STAT1: variants seen among roughly 807,000 people sequenced by gnomAD.
STAT1 encodes the protein signal transducer and activator of transcription 1.
A neutral mutation model predicts 111.7 loss-of-function variants in STAT1; 24 were observed. The observed-to-expected ratio is 0.21, with a 90% CI of 0.16 to 0.30. The LOEUF (loss-of-function observed/expected upper bound fraction) is 0.30, where lower values mean the gene tolerates loss of function less well. STAT1 is among the 10% of genes least tolerant of loss of function. The pLI is 1.00. For missense variants in STAT1, 351 were observed against 911.9 expected, an observed-to-expected ratio of 0.38 and a Z score of 7.92; for synonymous variants, 332 against 326.5, an observed-to-expected ratio of 1.02 and a Z score of -0.18.
chr2:190,981,049 T>C lies in STAT1; in HGVS notation c.1583-380A>G, dbSNP rs1434931215. The stretch of plus-strand genomic sequence containing the variant: ...CCTCCCTCCTCTAAAGAGAGGACAG[T>C]CCTTTTAATGCCTCTTCATGTTACA... On this transcript the variant is annotated intron_variant, in intron 18 of 24. Coordinates refer to ENST00000361099, the MANE Select transcript of STAT1 (RefSeq NM_007315.4). The surrounding 1 kb of genome is among the most constrained non-coding windows in gnomAD (Gnocchi z 4.1). Among the ~76,000 whole-genome samples, 1 of 108,618 alleles carries C rather than the reference T, an allele frequency of 9.2e-6. No homozygotes were observed. Among genetic ancestry groups the C allele is most frequent in the African/African-American group, 4.5e-5 (1 of 21,990 alleles). The allele number at this position is 108,618 out of a possible 152,430, so 71.3% of individuals were successfully genotyped here. A position where few individuals can be genotyped will look rare whatever the true frequency, so the allele number is the denominator to read the frequency against.
intron 12 of STAT1, among the ~76,000 whole-genome samples, chr2:190,988,430 G>A (rs1256951803): frequency 2.0e-5 from 3 of 152,218 alleles, no homozygotes; most frequent in Admixed American, 6.5e-5. Flanking sequence ...CCAGGCTGGA[G>A]TGCAGTGGCA....
chr2:190,994,558 C>T (rs928018134), intron 10 of STAT1, among the ~76,000 whole-genome samples: 6 of 152,042 alleles, frequency 3.9e-5, no homozygotes, highest in Admixed American at 2.0e-4. Flanking sequence ...CTATAGCTTC[C>T]AGCCTAGCTG....
Position 190,993,040 on chromosome 2 carries a change from T to C in STAT1, c.945-1720A>G, listed in dbSNP as rs1693506631. The C allele has an allele frequency of 2.2e-5, 7 of 311,198 alleles. No individual in the cohort carries two copies. Among genetic ancestry groups the C allele is most frequent in the South Asian group, 1.8e-4 (6 of 33,316 alleles). 19.3% of individuals were successfully genotyped at this position (311,198 alleles called of 1,614,324 possible). ...CCTGACCTCAGGTGATCCACCCACCTCGGCCTCCCAAAGTGCTGGGATTAC... is the reference window on the plus strand; with the variant it reads ...CCTGACCTCAGGTGATCCACCCACCCCGGCCTCCCAAAGTGCTGGGATTAC... On this transcript the variant is annotated intron_variant, in intron 10 of 24. Coordinates refer to ENST00000361099, the MANE Select transcript of STAT1 (RefSeq NM_007315.4). The surrounding 1 kb of genome is among the most constrained non-coding windows in gnomAD (Gnocchi z 4.1).
At chr2:191,011,217 G>A (rs1191562169) in intron 2 of STAT1, among the ~76,000 whole-genome samples, 1 of 152,136 alleles carries the variant, frequency 6.6e-6, no homozygotes, top group Non-Finnish European at 1.5e-5. Context: ...CAGCCCCTTG[G>A]CACTCCTGCT....
At chr2:191,005,185 A>G (rs11693463) in intron 5 of STAT1, among the ~76,000 whole-genome samples, 23,142 of 152,146 alleles carry the variant, frequency 0.15, 2,551 homozygotes, top group African/African-American at 0.3. Context: ...TTGAATCCCC[A>G]TGTACCTATC....
intron 2 of STAT1, among the ~76,000 whole-genome samples, chr2:191,010,701 A>C (rs1695054195): frequency 6.6e-6 from 1 of 152,208 alleles, no homozygotes. Flanking sequence ...TACACATTTA[A>C]AAAGATATAT....
At position 190,998,298 on chromosome 2, in the gene STAT1, G is replaced by A. The variant is rs1694000512; in HGVS notation, c.552C>T (p.Thr184=). The A allele has an allele frequency of 1.9e-6, 3 of 1,612,910 alleles. No individual in the cohort carries two copies. Among genetic ancestry groups the A allele is most frequent in the Non-Finnish European group, 2.5e-6 (3 of 1,179,476 alleles). Residue 184 remains threonine, a synonymous_variant, in exon 8 of 25, where the codon ACC becomes ACT. Transcript: ENST00000361099. This position sits in a 1 kb window ranked among gnomAD's most constrained non-coding sequence, Gnocchi z 4.1. ...CKTLQNREHE[T]NGVAKSDQKQ... The stretch of plus-strand genomic sequence containing the variant: ...TCTGATCACTCTTTGCCACACCATT[G>A]GTCTCGTGTTCTATAAATTGAGAGA...
chr2:191,009,802 T>C (rs1694989376), intron 3 of STAT1, 74 bp downstream of exon 3: 5 of 1,579,468 alleles, frequency 3.2e-6, no homozygotes, highest in Non-Finnish European at 4.3e-6. Flanking sequence ...CCAGTAAACA[T>C]GGCCCCAAGT....
chr2:190,985,854 G>C (rs1574647597), intron 14 of STAT1, among the ~76,000 whole-genome samples, 194 bp from the exon 15 acceptor site: 1 of 152,330 alleles, frequency 6.6e-6, no homozygotes, highest in South Asian at 2.1e-4. Flanking sequence ...TGGCCTCATG[G>C]TGCGGACACC....
At position 190,997,887 on chromosome 2, in the gene STAT1, G is replaced by A; in HGVS notation, c.754C>T (p.Pro252Ser). ...TGCAGCTGATCCAAGCAAGCATTGG[G>A]CGGCCCCCCAATACAGGCGCTCTGC... ...RQQSACIGGPPNACLDQLQNW... is the reference protein window; with the variant it reads ...RQQSACIGGPSNACLDQLQNW... The change falls in exon 9 of 25, where the codon CCC becomes TCC. Residue 252 changes from proline to serine, a missense_variant. Transcript: ENST00000361099. The surrounding 1 kb of genome is among the most constrained non-coding windows in gnomAD (Gnocchi z 7.3). 6.2e-7 allele frequency: 1 copy of A among 1,614,190 alleles called. No homozygotes were observed. The highest frequency in any genetic ancestry group is 8.5e-7 in the Non-Finnish European group (1 of 1,180,036).
intron 5 of STAT1, among the ~76,000 whole-genome samples, chr2:191,005,251 C>T (rs114281577): frequency 0.014 from 2,103 of 152,272 alleles, 52 homozygotes; most frequent in African/African-American, 0.047. Flanking sequence ...ATTCTCCTTA[C>T]TCTTCTAGTC....
chr2:191,008,853 A>T, intron 4 of STAT1, 110 bp downstream of exon 4: 1 of 1,170,802 alleles, frequency 8.5e-7, no homozygotes, highest in Non-Finnish European at 1.2e-6. Context: ...AGTCTCTATT[A>T]CTTCTCTAAA....
In STAT1 at chr2:190,999,469, A is replaced by G. The variant is rs1055149889; in HGVS notation, c.541+157T>C. 6.6e-6 allele frequency among the ~76,000 whole-genome samples: 1 copy of G among 152,116 alleles called. No homozygotes were observed. Among genetic ancestry groups the G allele is most frequent in the Non-Finnish European group, 1.5e-5 (1 of 68,040 alleles). On this transcript the variant is annotated intron_variant, in intron 7 of 24. Transcript: ENST00000361099. This position sits in a 1 kb window ranked among gnomAD's most constrained non-coding sequence, Gnocchi z 4.1. Reference sequence around the variant, plus strand: ...AACAACAAATTAGCCCGAAATGTCAATAATATTGGATGTTGAGAAGCCCTG... The same window carrying G: ...AACAACAAATTAGCCCGAAATGTCAGTAATATTGGATGTTGAGAAGCCCTG...
Position 190,998,246 on chromosome 2 carries a change from T to A in STAT1, c.604A>T (p.Met202Leu). 6.2e-7 allele frequency: 1 copy of A among 1,613,818 alleles called. No individual in the cohort carries two copies. Residue 202 changes from methionine (M) to leucine (L), a missense_variant, in exon 8 of 25, where the codon ATG (methionine) becomes TTG (leucine). Physicochemically the swap from Met to Leu is conservative, Grantham distance 15 (BLOSUM62 2). This residue lies in a region of STAT1 where 67 missense variants were observed against 158.9 expected (regional missense o/e 0.42). Transcript: ENST00000361099. This position sits in a 1 kb window ranked among gnomAD's most constrained non-coding sequence, Gnocchi z 4.1. ...CTCTTATTGTCAAGCATTAAATACA[T>A]CTTCTTGAGTAACAGCTGTTCTTGT... ...QKQEQLLLKKMYLMLDNKRKE... is the reference protein window; with the variant it reads ...QKQEQLLLKKLYLMLDNKRKE...
chr2:191,010,261 C>T (rs1417607872), intron 2 of STAT1: 4 of 503,586 alleles, frequency 7.9e-6, no homozygotes, highest in African/African-American at 3.9e-5. Context: ...GCAGCCTTCT[C>T]TGGCCTCTTT....
rs1017052077 is a variant in STAT1 at position 190,980,126 on chromosome 2, G to A, written c.1633-260C>T. 6.6e-6 allele frequency among the ~76,000 whole-genome samples: 1 copy of A among 152,218 alleles called. No individual in the cohort carries two copies. The highest frequency in any genetic ancestry group is 6.5e-5 in the Admixed American group (1 of 15,286). On this transcript the variant is annotated intron_variant, in intron 19 of 24. Transcript: ENST00000361099. The surrounding 1 kb of genome is among the most constrained non-coding windows in gnomAD (Gnocchi z 6.1). ...TCCCTTTCCAAACAGTAGCAAGCTAGCCTGGGGGTGACCTCCAGCGTGACT... is the reference window on the plus strand; with the variant it reads ...TCCCTTTCCAAACAGTAGCAAGCTAACCTGGGGGTGACCTCCAGCGTGACT...
Position 190,983,597 on chromosome 2 carries a change from G to C in STAT1, c.1446+45C>G. 6.5e-7 allele frequency: 1 copy of C among 1,540,296 alleles called. No individual in the cohort carries two copies. The highest frequency in any genetic ancestry group is 9.0e-7 in the Non-Finnish European group (1 of 1,112,910). ...CAGAGATGCAGCAGTGAGAGCGTGGGGTCTCTGCTTAACCCTGGGACCAAA... is the reference window on the plus strand; with the variant it reads ...CAGAGATGCAGCAGTGAGAGCGTGGCGTCTCTGCTTAACCCTGGGACCAAA... On this transcript the variant is annotated intron_variant, in intron 17 of 24. Transcript: ENST00000361099. This position sits in a 1 kb window ranked among gnomAD's most constrained non-coding sequence, Gnocchi z 5.7.
intron 10 of STAT1, chr2:190,992,622 A>G (rs1408731031): frequency 1.4e-5 from 15 of 1,078,648 alleles, no homozygotes; most frequent in Non-Finnish European, 1.6e-5. Context: ...ACTGTGAGAA[A>G]AGGATGGAGG....
rs1553493359 is a variant in STAT1, at chr2:190,982,417, C to T, written c.1548G>A (p.Val516=). The part of the protein sequence containing the change: ...FSSVTKRGLN[V]DQLNMLGEKL... ...TCTCTCCCAACATGTTCAGCTGGTC[C>T]ACATTGAGACCTCTTTTGGTGACAG... Residue 516 remains valine (V), a synonymous_variant, in exon 18 of 25, where the codon GTG becomes GTA. Transcript: ENST00000361099. This position sits in a 1 kb window ranked among gnomAD's most constrained non-coding sequence, Gnocchi z 7.3. 5.0e-6 allele frequency: 8 copies of T among 1,614,052 alleles called. No homozygotes were observed.
Sources: allele counts gnomAD v4.1 joint callset (sites outside exome capture counted in the v4.1 genomes callset), GRCh38; gene constraint gnomAD v4.1.1; regional missense constraint gnomAD v4.1.1; non-coding constraint Gnocchi (gnomAD v3.1); transcripts MANE v1.5; gene names NCBI Gene and HGNC (gene_info 2026-07-23, HGNC 2026-07-21).